SDK1: variants seen among roughly 807,000 people sequenced by gnomAD.
SDK1 encodes sidekick cell adhesion molecule 1.
Under a neutral mutation model 245.5 loss-of-function variants are expected in SDK1, and 157 were observed. The observed-to-expected ratio is 0.64, with a 90% CI of 0.56 to 0.73. SDK1 has a LOEUF of 0.73. SDK1 is among the 30% of genes least tolerant of loss of function. The pLI is 0.00. For synonymous variants in SDK1, 1,647 were observed against 1,278.5 expected, an observed-to-expected ratio of 1.29 and a Z score of -6.15; for missense variants, 3,583 against 3,002.3, an observed-to-expected ratio of 1.19 and a Z score of -4.52.
At position 3,590,542 on chromosome 7, in the gene SDK1, A is replaced by G. The variant is rs117141990; in HGVS notation, c.299-28538A>G. ...AATAAGTTTGAAATCACTAAATCAC[A>G]GTAATTCCTTGCATTGGGCAACAGA... On this transcript the variant is annotated intron_variant, in intron 1 of 44. Transcript: ENST00000404826. Among the ~76,000 whole-genome samples the G allele has an allele frequency of 4.9e-3, 749 of 152,306 alleles. 1 individual carries two copies. Among genetic ancestry groups the G allele is most frequent in the Non-Finnish European group, 7.8e-3 (530 of 68,032 alleles).
At chr7:3,975,498 C>T (rs553721450) in intron 13 of SDK1, among the ~76,000 whole-genome samples, 20 of 152,268 alleles carry the variant, frequency 1.3e-4, no homozygotes, top group East Asian at 3.9e-4. Context: ...TTGAACACTC[C>T]GAGTATAGGA....
At chr7:4,058,778 T>TA (rs1779358332) in intron 19 of SDK1, among the ~76,000 whole-genome samples, 1 of 152,022 alleles carries the variant, frequency 6.6e-6, no homozygotes, top group Admixed American at 6.6e-5. Flanking sequence ...GAAAGAGAAA[T>TA]AAAGTATTTC....
At position 3,342,988 on chromosome 7, in the gene SDK1, TCTG is replaced by T. The variant is rs1216937766; in HGVS notation, c.298+41107_298+41109del. 2.2e-5 allele frequency among the ~76,000 whole-genome samples: 3 copies of T among 134,610 alleles called. No homozygotes were observed. The East Asian group carries it at 6.9e-4, about 31-fold the overall frequency. 88.3% of individuals were successfully genotyped at this position (134,610 alleles called of 152,430 possible). A position where few individuals can be genotyped will look rare whatever the true frequency, so the allele number is the denominator to read the frequency against. On this transcript the variant is annotated intron_variant, in intron 1 of 44. Coordinates refer to ENST00000404826, the MANE Select transcript of SDK1 (RefSeq NM_152744.4). ...AAATTAAAGCCATAGGGAGAAAACT[TCTG>T]CTAAATGGCTGAAAAAAAAAAAAAA...
chr7:3,571,456 C>T (rs1184231196), intron 1 of SDK1, among the ~76,000 whole-genome samples: 2 of 152,080 alleles, frequency 1.3e-5, no homozygotes, highest in Non-Finnish European at 2.9e-5. Flanking sequence ...GCCCGTACCA[C>T]CATGCCCAGC....
intron 4 of SDK1, among the ~76,000 whole-genome samples, chr7:3,792,632 A>G (rs542289363): frequency 4.9e-4 from 73 of 150,312 alleles, no homozygotes; most frequent in Non-Finnish European, 8.3e-4. Context: ...CCATCCATCC[A>G]TCCATCCATC....
At chr7:4,121,010 G>C (rs1406076805) in intron 25 of SDK1, among the ~76,000 whole-genome samples, 1 of 150,556 alleles carries the variant, frequency 6.6e-6, no homozygotes, top group East Asian at 1.9e-4. Context: ...ATTTCCAGCT[G>C]TTGAAAACCT....
At chr7:3,733,008 G>C (rs1382081978) in intron 4 of SDK1, among the ~76,000 whole-genome samples, 1 of 152,100 alleles carries the variant, frequency 6.6e-6, no homozygotes, top group Admixed American at 6.5e-5. Context: ...TTCCGTTTTT[G>C]TCAGTTGTCT....
chr7:3,995,173 A>G (rs1010309589), intron 14 of SDK1, among the ~76,000 whole-genome samples: 2 of 152,234 alleles, frequency 1.3e-5, no homozygotes, highest in Non-Finnish European at 2.9e-5. Flanking sequence ...TTACTTCAGC[A>G]ACAAGGCATT....
chr7:3,805,815 C>G (rs904546600), intron 4 of SDK1, among the ~76,000 whole-genome samples: 1 of 152,158 alleles, frequency 6.6e-6, no homozygotes, highest in Admixed American at 6.5e-5. Context: ...CAATTCAGAT[C>G]ATTAGTGATC....
intron 5 of SDK1, among the ~76,000 whole-genome samples, chr7:3,869,303 C>T (rs942609360): frequency 9.2e-5 from 14 of 151,894 alleles, no homozygotes; most frequent in African/African-American, 3.4e-4. Context: ...TTACAGGCGT[C>T]CATCACCAGG....
intron 1 of SDK1, among the ~76,000 whole-genome samples, chr7:3,474,329 C>T (rs1036181115): frequency 2.8e-4 from 43 of 151,612 alleles, no homozygotes; most frequent in African/African-American, 8.5e-4. Flanking sequence ...CTCTTGACCT[C>T]GTTGTCCGCC....
intron 22 of SDK1, among the ~76,000 whole-genome samples, chr7:4,090,819 A>T (rs1395155642): frequency 2.0e-5 from 3 of 152,208 alleles, no homozygotes; most frequent in Non-Finnish European, 4.4e-5. Flanking sequence ...TTCTATATCT[A>T]GCCACACATA....
chr7:3,757,343 C>T (rs527640077), intron 4 of SDK1, among the ~76,000 whole-genome samples: 2 of 152,260 alleles, frequency 1.3e-5, no homozygotes, highest in South Asian at 4.1e-4. Context: ...AAGCGATCCT[C>T]CCTTGTCAGC....
chr7:4,182,469 C>T (rs1218956446), intron 35 of SDK1, among the ~76,000 whole-genome samples: 2 of 152,208 alleles, frequency 1.3e-5, no homozygotes, highest in African/African-American at 2.4e-5. Context: ...CCCAAACTTC[C>T]ACAGGGCAGG....
chr7:3,410,779 C>A (rs1042317675), intron 1 of SDK1, among the ~76,000 whole-genome samples: 6 of 151,702 alleles, frequency 4.0e-5, no homozygotes, highest in Non-Finnish European at 8.8e-5. Flanking sequence ...TAGAGACAGG[C>A]TTTCACCATT....
Position 3,971,511 on chromosome 7 carries a change from A to T in SDK1, c.1760A>T (p.Lys587Met). 1 of 1,613,698 alleles carries T rather than the reference A, an allele frequency of 6.2e-7. No individual in the cohort carries two copies. The highest frequency in any genetic ancestry group is 8.5e-7 in the Non-Finnish European group (1 of 1,179,832). ...VHPPEDHVVI[K>M]GTTATLHCGA... Reference sequence around the variant, plus strand: ...CCTCCTGAGGACCACGTGGTGATTAAGGGGACCACGGCCACGCTGCACTGT... The same window carrying T: ...CCTCCTGAGGACCACGTGGTGATTATGGGGACCACGGCCACGCTGCACTGT... Residue 587 changes from lysine (K) to methionine (M), a missense_variant, in exon 12 of 45, where the codon AAG becomes ATG. Physicochemically the swap from Lys to Met is moderately conservative, Grantham distance 95. Coordinates refer to ENST00000404826, the MANE Select transcript of SDK1 (RefSeq NM_152744.4).
intron 4 of SDK1, among the ~76,000 whole-genome samples, chr7:3,715,395 G>A (rs1163713858): frequency 6.6e-6 from 1 of 152,064 alleles, no homozygotes; most frequent in East Asian, 1.9e-4. Flanking sequence ...CCCTCCTCAG[G>A]TGGCACTAGT....
chr7:4,151,172 G>A (rs565301368), intron 30 of SDK1, among the ~76,000 whole-genome samples: 23 of 152,166 alleles, frequency 1.5e-4, no homozygotes, highest in Non-Finnish European at 2.8e-4. Flanking sequence ...AGGGTCACAC[G>A]GACCATCGGG....
At chr7:4,251,568 G>A (rs888345707) in intron 44 of SDK1, among the ~76,000 whole-genome samples, 2 of 152,226 alleles carry the variant, frequency 1.3e-5, no homozygotes, top group Non-Finnish European at 2.9e-5. Flanking sequence ...TTTATCGGAA[G>A]CTGGTCACAT....
Sources: allele counts gnomAD v4.1 joint callset (sites outside exome capture counted in the v4.1 genomes callset), GRCh38; gene constraint gnomAD v4.1.1; transcripts MANE v1.5; gene names NCBI Gene and HGNC (gene_info 2026-07-23, HGNC 2026-07-21).